Variants in GRID1 observed in about 807,000 individuals in gnomAD.
The protein encoded by GRID1 is glutamate receptor ionotropic, delta-1.
A neutral mutation model predicts 98.0 loss-of-function variants in GRID1; 28 were observed. The ratio of observed to expected loss-of-function variants is 0.29; its 90% CI spans 0.21 to 0.39. The LOEUF (loss-of-function observed/expected upper bound fraction) is 0.39, where lower values mean the gene tolerates loss of function less well. Ranked by LOEUF, GRID1 falls within the 10% of genes least tolerant of loss-of-function variation. The probability of loss-of-function intolerance (pLI) is 1.00; values close to 1 mark genes in which losing one functional copy is unlikely to be tolerated. For synonymous variants in GRID1, 553 were observed against 538.5 expected, an observed-to-expected ratio of 1.03 and a Z score of -0.37; for missense variants, 1,111 against 1,340.5, an observed-to-expected ratio of 0.83 and a Z score of 2.67.
chr10:85,795,145 T>C (rs1037742030), intron 8 of GRID1, among the ~76,000 whole-genome samples: 2 of 152,218 alleles, frequency 1.3e-5, no homozygotes, highest in Non-Finnish European at 2.9e-5. Context: ...TATGCTTTTG[T>C]TCAAAAGACA....
At chr10:85,625,956 C>T (rs1485267484) in intron 13 of GRID1, among the ~76,000 whole-genome samples, 1 of 152,202 alleles carries the variant, frequency 6.6e-6, no homozygotes, top group African/African-American at 2.4e-5. Flanking sequence ...AAGGCAAGAA[C>T]CTCATTACGC....
At chr10:86,007,004 G>A (rs183559231) in intron 4 of GRID1, among the ~76,000 whole-genome samples, 9 of 152,174 alleles carry the variant, frequency 5.9e-5, no homozygotes, top group South Asian at 2.1e-4. Flanking sequence ...GTCCTTGGGC[G>A]GGAGGATGGG....
chr10:85,676,344 C>T (rs1315620113), intron 12 of GRID1, among the ~76,000 whole-genome samples: 2 of 152,150 alleles, frequency 1.3e-5, no homozygotes, highest in Non-Finnish European at 2.9e-5. Flanking sequence ...AGCCTCTTTG[C>T]CTCAGGGTGG....
At chr10:85,902,635 C>T (rs1488849239) in intron 5 of GRID1, among the ~76,000 whole-genome samples, 4 of 152,120 alleles carry the variant, frequency 2.6e-5, no homozygotes, top group South Asian at 2.1e-4. Flanking sequence ...AGGGGGGAGC[C>T]GTGTGGCATC....
intron 8 of GRID1, among the ~76,000 whole-genome samples, chr10:85,812,638 A>T (rs1408519751): frequency 6.6e-6 from 1 of 152,032 alleles, no homozygotes; most frequent in Non-Finnish European, 1.5e-5. Flanking sequence ...TTCTGGAAAA[A>T]AATGCAGAAA....
chr10:86,056,801 T>G (rs1170558741), intron 4 of GRID1, among the ~76,000 whole-genome samples: 1 of 152,204 alleles, frequency 6.6e-6, no homozygotes, highest in Non-Finnish European at 1.5e-5. Context: ...CCCATACATA[T>G]GGCAGCCTGG....
intron 4 of GRID1, among the ~76,000 whole-genome samples, chr10:85,925,777 T>G (rs1407712600): frequency 6.6e-6 from 1 of 152,138 alleles, no homozygotes; most frequent in African/African-American, 2.4e-5. Flanking sequence ...AGCGGGTACA[T>G]CCGCTGGGAG....
At chr10:85,932,627 T>G (rs1841870704) in intron 4 of GRID1, among the ~76,000 whole-genome samples, 2 of 152,222 alleles carry the variant, frequency 1.3e-5, no homozygotes, top group Middle Eastern at 3.2e-3. Context: ...CATTTTAGAA[T>G]AGTTTAGGGG....
At chr10:86,252,870 G>A (rs1846859180) in intron 2 of GRID1, among the ~76,000 whole-genome samples, 2 of 151,972 alleles carry the variant, frequency 1.3e-5, no homozygotes, top group African/African-American at 4.8e-5. Flanking sequence ...AAATGTAAAG[G>A]AGGAGTGTTT....
In GRID1 at chr10:85,883,001, A is replaced by G. The variant is rs561048260; in HGVS notation, c.781-13821T>C. Among the ~76,000 whole-genome samples the G allele has an allele frequency of 2.0e-5, 3 of 152,248 alleles. No homozygotes were observed. The East Asian group carries it at 5.8e-4, about 29-fold the overall frequency. On this transcript the variant is annotated intron_variant, in intron 5 of 15. Coordinates refer to ENST00000327946, the MANE Select transcript of GRID1 (RefSeq NM_017551.3). ...ATAATTCTAGAAATTAGAAGCCTTA[A>G]CATTGTTTATTATTTTTTCTTCTCC...
chr10:86,204,162 C>A (rs1589409560), intron 3 of GRID1, among the ~76,000 whole-genome samples: 1 of 152,190 alleles, frequency 6.6e-6, no homozygotes. Flanking sequence ...CTAGCCTACA[C>A]CCCTTCCCTG....
At chr10:86,301,853 T>C (rs1564733265) in intron 2 of GRID1, among the ~76,000 whole-genome samples, 1 of 152,222 alleles carries the variant, frequency 6.6e-6, no homozygotes, top group Non-Finnish European at 1.5e-5. Context: ...AGCCCTCGGA[T>C]AACAGCTTTC....
intron 8 of GRID1, among the ~76,000 whole-genome samples, chr10:85,828,307 T>C (rs983931226): frequency 1.3e-5 from 2 of 151,858 alleles, no homozygotes; most frequent in Admixed American, 6.6e-5. Context: ...AAGAGGAAAA[T>C]TTATAGTGCT....
At chr10:85,920,343 G>A (rs1259064131) in intron 4 of GRID1, among the ~76,000 whole-genome samples, 1 of 152,196 alleles carries the variant, frequency 6.6e-6, no homozygotes, top group African/African-American at 2.4e-5. Context: ...TCTCACTAAA[G>A]ATGATCAGTC....
intron 14 of GRID1, among the ~76,000 whole-genome samples, chr10:85,614,724 C>T (rs181606199): frequency 6.6e-6 from 1 of 152,266 alleles, no homozygotes; most frequent in Admixed American, 6.5e-5. Flanking sequence ...GAAGGCAGAG[C>T]CCAGAACACA....
At chr10:85,737,645 G>GATATATATAT (rs66947723) in intron 8 of GRID1, among the ~76,000 whole-genome samples, 31 of 95,680 alleles carry the variant, frequency 3.2e-4, no homozygotes, top group East Asian at 7.4e-4. Flanking sequence ...AGTAAAGCCA[G>GATATATATAT]ATATATATAT....
At chr10:86,351,864 T>C (rs560165627) in intron 2 of GRID1, among the ~76,000 whole-genome samples, 2 of 152,326 alleles carry the variant, frequency 1.3e-5, no homozygotes, top group East Asian at 3.9e-4. Flanking sequence ...TGCTAAGTCC[T>C]CTGTAATCAT....
intron 4 of GRID1, among the ~76,000 whole-genome samples, chr10:85,986,231 T>C (rs1224459117): frequency 6.6e-6 from 1 of 152,188 alleles, no homozygotes; most frequent in Non-Finnish European, 1.5e-5. Flanking sequence ...GCAGCCCAAA[T>C]TTAACCAAGA....
Position 86,287,227 on chromosome 10 carries a change from G to A in GRID1, c.235+76714C>T, listed in dbSNP as rs151325122. 2.9e-3 allele frequency among the ~76,000 whole-genome samples: 441 copies of A among 152,310 alleles called. 4 individuals are homozygous for A. The highest frequency in any genetic ancestry group is 0.019 in the Admixed American group (290 of 15,302). On this transcript the variant is annotated intron_variant, in intron 2 of 15. Coordinates refer to ENST00000327946, the MANE Select transcript of GRID1 (RefSeq NM_017551.3). ...CAGACAGAAAGCAACCTTGTCATAT[G>A]AGAAGCCTGAACTGCAGTCCCCAAA... is the stretch of plus-strand genomic sequence containing the variant.
Sources: allele counts gnomAD v4.1 joint callset (sites outside exome capture counted in the v4.1 genomes callset), GRCh38; gene constraint gnomAD v4.1.1; transcripts MANE v1.5; gene names NCBI Gene and HGNC (gene_info 2026-07-23, HGNC 2026-07-21).